The following COL15A1 variants were observed in gnomAD, a reference collection of about 807,000 sequenced individuals.
COL15A1 encodes collagen alpha-1(XV) chain.
Under a neutral mutation model 165.9 loss-of-function variants are expected in COL15A1, and 111 were observed. The ratio of observed to expected loss-of-function variants is 0.67; its 90% CI spans 0.57 to 0.78. The LOEUF is 0.78. Among genes scored for constraint, COL15A1 ranks in the 30% least tolerant of loss-of-function variants. The pLI is 0.00. For synonymous variants in COL15A1, 659 were observed against 674.8 expected (o/e 0.98, Z 0.36); for missense variants, 1,745 against 1,789.7 (o/e 0.98, Z 0.45).
chr9:99,035,010 A>T lies in COL15A1; in HGVS notation c.2080-4A>T. The T allele has an allele frequency of 1.1e-5, 17 of 1,612,362 alleles. No homozygotes were observed. Among genetic ancestry groups the T allele is most frequent in the Non-Finnish European group, 1.4e-5 (16 of 1,178,614 alleles). ...AGATAATCAGCCTGCCCTCTTTCCTACAGGGTGACCCTGGCAACAGAGGCT... is the reference window on the plus strand; with the variant it reads ...AGATAATCAGCCTGCCCTCTTTCCTTCAGGGTGACCCTGGCAACAGAGGCT... On this transcript the variant is annotated splice_region_variant and splice_polypyrimidine_tract_variant and intron_variant, in intron 17 of 41. Coordinates refer to ENST00000375001, the MANE Select transcript of COL15A1 (RefSeq NM_001855.5).
chr9:99,030,286 C>G (rs552803557), intron 16 of COL15A1, among the ~76,000 whole-genome samples: 1 of 152,308 alleles, frequency 6.6e-6, no homozygotes, highest in African/African-American at 2.4e-5. Flanking sequence ...ATACTTGCAG[C>G]TCTGCTATTT....
chr9:98,953,251 G>A (rs1355131318), intron 2 of COL15A1, among the ~76,000 whole-genome samples: 1 of 152,148 alleles, frequency 6.6e-6, no homozygotes, highest in Admixed American at 6.5e-5. Context: ...TGGTATCAGA[G>A]GTGTTGGGAG....
chr9:99,002,041 A>C (rs143011132), intron 7 of COL15A1, among the ~76,000 whole-genome samples: 39 of 151,868 alleles, frequency 2.6e-4, no homozygotes, highest in Non-Finnish European at 3.7e-4. Flanking sequence ...CCAGCAAAAC[A>C]ACTGCAGGAC....
At chr9:99,066,609 T>TG (rs1366546540) in intron 39 of COL15A1, among the ~76,000 whole-genome samples, 2 of 141,062 alleles carry the variant, frequency 1.4e-5, no homozygotes, top group African/African-American at 5.6e-5. Context: ...GTTTTTTTTT[T>TG]TTTTTTTTTT....
chr9:99,050,725 G>A (rs1401450201), intron 30 of COL15A1, among the ~76,000 whole-genome samples: 1 of 152,234 alleles, frequency 6.6e-6, no homozygotes, highest in African/African-American at 2.4e-5. Context: ...TGAACTAGAC[G>A]GATGTGGCCT....
rs754990715 is a variant in COL15A1 at position 99,034,628 on chromosome 9, C to CCTCCTCA, written c.2079+50_2079+51insACTCCTC. 2.1e-5 allele frequency: 32 copies of CCTCCTCA among 1,495,360 alleles called. No individual in the cohort carries two copies. The African/African-American group carries it at 4.5e-4, about 21-fold the overall frequency. 92.6% of individuals were successfully genotyped at this position (1,495,360 alleles called of 1,614,324 possible). ...AAAAAAAAAAAAGAACTTTCTTCTC[C>CCTCCTCA]CTCCTCCCCTTTCTTTGAGTTTACT... On this transcript the variant is annotated intron_variant, in intron 17 of 41. Transcript: ENST00000375001.
At chr9:99,005,189 G>A (rs1242385359) in intron 9 of COL15A1, 139 bp downstream of exon 9, 3 of 919,752 alleles carry the variant, frequency 3.3e-6, no homozygotes, top group Non-Finnish European at 4.8e-6. Flanking sequence ...ACTTGGGGGT[G>A]GAGTTTGCCA....
At chr9:98,948,067 T>A (rs1221620193) in intron 2 of COL15A1, among the ~76,000 whole-genome samples, 1 of 152,178 alleles carries the variant, frequency 6.6e-6, no homozygotes, top group African/African-American at 2.4e-5. Flanking sequence ...ATTTTTCTAG[T>A]TTGAGGTTTG....
chr9:99,070,343 A>G lies in COL15A1; in HGVS notation c.*457A>G. 4.2e-6 allele frequency: 1 copy of G among 237,620 alleles called. No homozygotes were observed. Among genetic ancestry groups the G allele is most frequent in the Non-Finnish European group, 8.5e-6 (1 of 117,868 alleles). 14.7% of individuals were successfully genotyped at this position (237,620 alleles called of 1,614,324 possible). A position where few individuals can be genotyped will look rare whatever the true frequency, so the allele number is the denominator to read the frequency against. ...CTTTTTTCTTTCACGTACATCCATCATTTGCAACTGCTGTTCGTACACAGA... is the reference window on the plus strand; with the variant it reads ...CTTTTTTCTTTCACGTACATCCATCGTTTGCAACTGCTGTTCGTACACAGA... On this transcript the variant is annotated 3_prime_UTR_variant, in exon 42 of 42. Coordinates refer to ENST00000375001, the MANE Select transcript of COL15A1 (RefSeq NM_001855.5).
chr9:99,044,133 C>A (rs1214550447), intron 24 of COL15A1, among the ~76,000 whole-genome samples: 1 of 152,062 alleles, frequency 6.6e-6, no homozygotes, highest in Non-Finnish European at 1.5e-5. Context: ...GGTTGAGTTG[C>A]TAGGAAAGCA....
At chr9:98,970,682 G>C (rs1404911714) in intron 2 of COL15A1, among the ~76,000 whole-genome samples, 2 of 152,122 alleles carry the variant, frequency 1.3e-5, no homozygotes, top group Admixed American at 1.3e-4. Context: ...AATTGCTTGG[G>C]TGTATGTATA....
chr9:99,056,240 T>C lies in COL15A1; in HGVS notation c.3193-20T>C. The C allele has an allele frequency of 3.1e-6, 5 of 1,613,144 alleles. No homozygotes were observed. Among genetic ancestry groups the C allele is most frequent in the Non-Finnish European group, 4.2e-6 (5 of 1,179,026 alleles). ...GATGAATGATGCTTTCTCTCTGTTA[T>C]TGTGTGCTTGCCTTGACAGGGCCAA... On this transcript the variant is annotated intron_variant, in intron 34 of 41. Coordinates refer to ENST00000375001, the MANE Select transcript of COL15A1 (RefSeq NM_001855.5).
chr9:98,971,865 C>G (rs574233993), intron 2 of COL15A1, among the ~76,000 whole-genome samples: 1 of 152,286 alleles, frequency 6.6e-6, no homozygotes, highest in East Asian at 1.9e-4. Context: ...ACCCCACGCT[C>G]TCTCTCTCTG....
chr9:98,963,047 T>C (rs777753039), intron 2 of COL15A1, among the ~76,000 whole-genome samples: 16 of 152,250 alleles, frequency 1.1e-4, no homozygotes, highest in Non-Finnish European at 1.9e-4. Context: ...TGCTTTAGCA[T>C]GGAGATCTTG....
chr9:98,945,554 G>A (rs193048493), intron 2 of COL15A1, among the ~76,000 whole-genome samples: 2 of 152,292 alleles, frequency 1.3e-5, no homozygotes, highest in Non-Finnish European at 2.9e-5. Flanking sequence ...TGAGAAGGTG[G>A]CCTTGGTTAA....
chr9:99,009,862 C>A (rs2118973095), intron 9 of COL15A1, among the ~76,000 whole-genome samples: 1 of 152,264 alleles, frequency 6.6e-6, no homozygotes, highest in Non-Finnish European at 1.5e-5. Context: ...CTTTTTATAA[C>A]CTTTATAACC....
chr9:99,039,017 A>C (rs1839354659), intron 22 of COL15A1, among the ~76,000 whole-genome samples: 1 of 152,216 alleles, frequency 6.6e-6, no homozygotes, highest in Non-Finnish European at 1.5e-5. Context: ...CATCTGTTGC[A>C]CACTTTTGGC....
At chr9:98,958,936 C>A (rs1031050268) in intron 2 of COL15A1, among the ~76,000 whole-genome samples, 3 of 152,010 alleles carry the variant, frequency 2.0e-5, no homozygotes, top group African/African-American at 7.2e-5. Context: ...GCTGATGCGC[C>A]CCATTTCTAA....
chr9:98,991,266 C>T (rs931730111), intron 5 of COL15A1, among the ~76,000 whole-genome samples: 7 of 152,250 alleles, frequency 4.6e-5, no homozygotes, highest in African/African-American at 1.7e-4. Flanking sequence ...CTGACCCCCC[C>T]CCACATCCTG....
Sources: allele counts gnomAD v4.1 joint callset (sites outside exome capture counted in the v4.1 genomes callset), GRCh38; gene constraint gnomAD v4.1.1; transcripts MANE v1.5; gene names NCBI Gene and HGNC (gene_info 2026-07-23, HGNC 2026-07-21).